The following CANX variants were observed in gnomAD, a reference collection of about 807,000 sequenced individuals.
CANX encodes the protein epididymis secretory sperm binding protein.
Under a neutral mutation model 75.7 loss-of-function variants are expected in CANX, and 14 were observed. The ratio of observed to expected loss-of-function variants is 0.19; its 90% CI spans 0.12 to 0.29. The LOEUF is 0.29. Among genes scored for constraint, CANX ranks in the 10% least tolerant of loss-of-function variants. The probability of loss-of-function intolerance (pLI) is 1.00; values close to 1 mark genes in which losing one functional copy is unlikely to be tolerated. For synonymous variants in CANX, 227 were observed against 236.9 expected (o/e 0.96, Z 0.38); for missense variants, 567 against 713.2 (o/e 0.79, Z 2.34).
At chr5:179,718,615 G>T (rs144591562) in intron 8 of CANX, among the ~76,000 whole-genome samples, 1,832 of 152,092 alleles carry the variant, frequency 0.012, 20 homozygotes, top group Non-Finnish European at 0.017. Flanking sequence ...CACAACCTCT[G>T]CCTCCCGGTT....
intron 1 of CANX, chr5:179,679,320 C>G (rs898804024): frequency 2.1e-5 from 29 of 1,382,034 alleles, no homozygotes; most frequent in Admixed American, 2.6e-5. Flanking sequence ...GCCTCTCAAA[C>G]CGCGAGGCCG....
intron 1 of CANX, among the ~76,000 whole-genome samples, chr5:179,681,422 A>G (rs1776061300): frequency 1.3e-5 from 2 of 152,160 alleles, no homozygotes; most frequent in Admixed American, 6.6e-5. Context: ...TTATTGGGGA[A>G]ATGCTCTCAG....
At chr5:179,702,142 C>T (rs574551901) in intron 1 of CANX, among the ~76,000 whole-genome samples, 1 of 151,122 alleles carries the variant, frequency 6.6e-6, no homozygotes, top group Non-Finnish European at 1.5e-5. Context: ...GTTATTGGTT[C>T]AAGTGATCTT....
At position 179,705,866 on chromosome 5, in the gene CANX, T is replaced by A; in HGVS notation, c.171+14T>A. The A allele has an allele frequency of 6.2e-7, 1 of 1,607,294 alleles. No homozygotes were observed. The highest frequency in any genetic ancestry group is 2.2e-5 in the East Asian group (1 of 44,844). Reference sequence around the variant, plus strand: ...TCATCTCCCAAGGTTTGAAATGGTCTTTGAATCTATTCCTTTTACGTCTTG... The same window carrying A: ...TCATCTCCCAAGGTTTGAAATGGTCATTGAATCTATTCCTTTTACGTCTTG... On this transcript the variant is annotated intron_variant, in intron 2 of 14. Coordinates refer to ENST00000247461, the MANE Select transcript of CANX (RefSeq NM_001746.4).
intron 8 of CANX, among the ~76,000 whole-genome samples, chr5:179,718,605 C>T (rs572755728): frequency 6.8e-4 from 103 of 151,706 alleles, no homozygotes; most frequent in South Asian, 1.9e-3. Context: ...CTTGGCTCAC[C>T]ACAACCTCTG....
chr5:179,705,013 G>A (rs1424585669), intron 1 of CANX, among the ~76,000 whole-genome samples: 1 of 150,826 alleles, frequency 6.6e-6, no homozygotes, highest in Non-Finnish European at 1.5e-5. Context: ...TTTTTTTTGA[G>A]ACGAACTCTT....
At chr5:179,699,190 C>A in intron 1 of CANX, 88 bp downstream of exon 1, 1 of 820,132 alleles carries the variant, frequency 1.2e-6, no homozygotes, top group South Asian at 5.0e-5. Flanking sequence ...TCGGGCGTGG[C>A]CGGCGACTGA....
intron 1 of CANX, among the ~76,000 whole-genome samples, chr5:179,683,488 A>C (rs1037566551): frequency 6.6e-6 from 1 of 151,608 alleles, no homozygotes. Context: ...TGTTATGTGA[A>C]ATCATTCCCA....
chr5:179,707,303 A>G (rs1777198460), intron 4 of CANX, 113 bp downstream of exon 4: 2 of 714,968 alleles, frequency 2.8e-6, no homozygotes, highest in Non-Finnish European at 5.0e-6. Context: ...AGATTTTTCC[A>G]GCCAGGTGCG....
At chr5:179,715,662 T>G (rs1483332909) in intron 7 of CANX, among the ~76,000 whole-genome samples, 12 of 152,008 alleles carry the variant, frequency 7.9e-5, no homozygotes, top group Admixed American at 6.6e-4. Flanking sequence ...AAATTGGAGG[T>G]TTGTGTAATT....
chr5:179,691,245 G>A (rs966462177), intron 1 of CANX, among the ~76,000 whole-genome samples: 11 of 152,050 alleles, frequency 7.2e-5, no homozygotes, highest in South Asian at 6.2e-4. Flanking sequence ...GGCTGGTCTC[G>A]AACTCCTGGC....
chr5:179,713,057 C>T (rs1777689028), intron 7 of CANX, among the ~76,000 whole-genome samples: 1 of 151,944 alleles, frequency 6.6e-6, no homozygotes, highest in African/African-American at 2.4e-5. Flanking sequence ...GTGTGAGTCA[C>T]TGTACCCAGC....
chr5:179,695,433 G>A (rs1776378964), upstream of CANX, among the ~76,000 whole-genome samples: 1 of 151,554 alleles, frequency 6.6e-6, no homozygotes, highest in African/African-American at 2.4e-5. Context: ...GGGTTCAAGC[G>A]ATTCTCTTGC....
chr5:179,687,089 G>A lies in CANX; in HGVS notation c.-4+8312G>A, dbSNP rs998744409. ...ACTGCACCCGGCCTGCAGTTTTTTT[G>A]TTTGTTTGTTTGTTTTTTGAGACAT... On this transcript the variant is annotated intron_variant, in intron 1 of 14. Coordinates refer to the CANX transcript ENST00000681674. 4.8e-5 allele frequency among the ~76,000 whole-genome samples: 7 copies of A among 146,430 alleles called. No individual in the cohort carries two copies. The South Asian group carries it at 1.3e-3, about 27-fold the overall frequency.
intron 1 of CANX, chr5:179,678,847 C>G: frequency 6.5e-7 from 1 of 1,536,852 alleles, no homozygotes; most frequent in Non-Finnish European, 8.7e-7. Flanking sequence ...CCCAGGCGGT[C>G]CGCGAGAGCA....
intron 12 of CANX, among the ~76,000 whole-genome samples, chr5:179,724,311 C>T (rs1056546739): frequency 6.6e-6 from 1 of 151,920 alleles, no homozygotes; most frequent in Admixed American, 6.6e-5. Context: ...GAGGATTATG[C>T]TTCATCTGGC....
chr5:179,704,103 T>C (rs908656003), intron 1 of CANX: 2 of 152,200 alleles, frequency 1.3e-5, no homozygotes, highest in African/African-American at 2.4e-5. Context: ...ATTTACCTGC[T>C]ACCAACCACA....
intron 7 of CANX, among the ~76,000 whole-genome samples, chr5:179,712,092 C>T (rs189741056): frequency 5.8e-5 from 8 of 139,088 alleles, no homozygotes; most frequent in African/African-American, 1.3e-4. Context: ...AGTGAGACTC[C>T]GTCCCCCACT....
At chr5:179,707,079 C>T (rs1005515620) in intron 3 of CANX, 53 bp from the exon 4 acceptor site, 5 of 1,052,346 alleles carry the variant, frequency 4.8e-6, no homozygotes, top group African/African-American at 1.6e-5. Flanking sequence ...CATAATTTTC[C>T]CTCACAAGTC....
Sources: allele counts gnomAD v4.1 joint callset (sites outside exome capture counted in the v4.1 genomes callset), GRCh38; gene constraint gnomAD v4.1.1; transcripts MANE v1.5; gene names NCBI Gene and HGNC (gene_info 2026-07-23, HGNC 2026-07-21).